Variants in SORD observed in about 807,000 individuals in gnomAD.
SORD encodes the protein sorbitol dehydrogenase.
A neutral mutation model predicts 35.6 loss-of-function variants in SORD; 18 were observed. The observed-to-expected ratio is 0.51, with a 90% confidence interval of 0.35 to 0.75. The LOEUF (loss-of-function observed/expected upper bound fraction) is 0.75, where lower values mean the gene tolerates loss of function less well. Ranked by LOEUF, SORD falls within the 30% of genes least tolerant of loss-of-function variation. The probability of loss-of-function intolerance (pLI) is 0.01; values close to 1 mark genes in which losing one functional copy is unlikely to be tolerated. For missense variants in SORD, 250 were observed against 390.2 expected (o/e 0.64, Z 3.03); for synonymous variants, 106 against 152.9 (o/e 0.69, Z 2.26).
intron 1 of SORD, among the ~76,000 whole-genome samples, chr15:45,028,374 T>A (rs1283487318): frequency 6.6e-6 from 1 of 152,220 alleles, no homozygotes; most frequent in Non-Finnish European, 1.5e-5. Flanking sequence ...TAAATGCTCC[T>A]CTCAATTTCT....
At chr15:45,027,005 C>T (rs796654542) in intron 1 of SORD, among the ~76,000 whole-genome samples, 29,649 of 147,752 alleles carry the variant, frequency 0.2, no homozygotes, top group African/African-American at 0.44. Context: ...TTAAACTCCT[C>T]ACCTACTAAT....
chr15:45,072,894 C>T (rs1305687723), intron 8 of SORD, among the ~76,000 whole-genome samples: 1 of 137,568 alleles, frequency 7.3e-6, no homozygotes, highest in Non-Finnish European at 1.5e-5. Context: ...CAGCTCCACC[C>T]TCTCCCCTGC....
At chr15:45,058,277 C>T (rs2141278564) in intron 3 of SORD, among the ~76,000 whole-genome samples, 1 of 152,266 alleles carries the variant, frequency 6.6e-6, no homozygotes, top group African/African-American at 2.4e-5. Flanking sequence ...CCCAGGACCT[C>T]CTTCCAACCC....
intron 5 of SORD, 88 bp downstream of exon 5, chr15:45,065,477 A>C: frequency 6.6e-7 from 1 of 1,509,124 alleles, no homozygotes; most frequent in Non-Finnish European, 8.9e-7. Flanking sequence ...CCAAGGCTTG[A>C]GATTTGTTCT....
At position 45,023,740 on chromosome 15, in the gene SORD, G is replaced by C. The variant is rs565030274; in HGVS notation, c.66+391G>C. 1.4e-3 allele frequency among the ~76,000 whole-genome samples: 219 copies of C among 152,328 alleles called. 7 individuals carry two copies. The South Asian group carries it at 0.041, about 29-fold the overall frequency. On this transcript the variant is annotated intron_variant, in intron 1 of 8. Coordinates refer to ENST00000267814, the MANE Select transcript of SORD (RefSeq NM_003104.6). ...GGCAGACCGTGCAGAGCAGAGAAAG[G>C]GGGGCCAGAGGACACTTAGAAACAG...
intron 3 of SORD, among the ~76,000 whole-genome samples, chr15:45,052,353 G>A (rs1893139115): frequency 6.6e-6 from 1 of 152,204 alleles, no homozygotes; most frequent in African/African-American, 2.4e-5. Context: ...TCTCTCAAGG[G>A]TGGCTTCCTC....
At chr15:45,029,236 TA>T (rs1892729304) in intron 1 of SORD, among the ~76,000 whole-genome samples, 1 of 152,244 alleles carries the variant, frequency 6.6e-6, no homozygotes, top group African/African-American at 2.4e-5. Flanking sequence ...AACAGGAAAT[TA>T]AATCCAGTAA....
At chr15:45,037,871 T>A (rs531289174) in intron 1 of SORD, among the ~76,000 whole-genome samples, 1 of 151,296 alleles carries the variant, frequency 6.6e-6, no homozygotes, top group South Asian at 2.1e-4. Flanking sequence ...CAAACCTAGG[T>A]GACAGGTTGA....
intron 3 of SORD, among the ~76,000 whole-genome samples, chr15:45,048,398 G>C (rs1169197619): frequency 1.3e-5 from 2 of 152,180 alleles, no homozygotes; most frequent in Non-Finnish European, 2.9e-5. Flanking sequence ...CCTTGATGAG[G>C]AGGCAAAATA....
intron 1 of SORD, among the ~76,000 whole-genome samples, chr15:45,025,467 C>T (rs1190248806): frequency 2.6e-5 from 4 of 151,934 alleles, no homozygotes; most frequent in Non-Finnish European, 5.9e-5. Flanking sequence ...GTGAAACTGT[C>T]TCTACTATAA....
At chr15:45,062,424 C>G (rs1378440086) in intron 4 of SORD, among the ~76,000 whole-genome samples, 6 of 152,206 alleles carry the variant, frequency 3.9e-5, no homozygotes, top group Admixed American at 1.3e-4. Flanking sequence ...TGCCGCTTTC[C>G]CCCTGACCCA....
chr15:45,054,992 T>C (rs1006008889), intron 3 of SORD, among the ~76,000 whole-genome samples: 146 of 152,322 alleles, frequency 9.6e-4, no homozygotes, highest in African/African-American at 3.4e-3. Context: ...TCTGTTCTGT[T>C]CCATTGATCT....
intron 3 of SORD, among the ~76,000 whole-genome samples, chr15:45,054,846 T>C (rs1893188071): frequency 6.6e-6 from 1 of 151,070 alleles, no homozygotes; most frequent in South Asian, 2.1e-4. Context: ...AGGGATCCAG[T>C]TTCAGCTTTC....
chr15:45,030,824 C>T (rs1248680647), intron 1 of SORD, among the ~76,000 whole-genome samples: 2 of 88,330 alleles, frequency 2.3e-5, no homozygotes, highest in African/African-American at 2.2e-4. Context: ...CTGGTGAGGA[C>T]AGGGGAGGCT....
In SORD at chr15:45,037,543, C is replaced by A. The variant is rs189412019; in HGVS notation, c.67-2865C>A. On this transcript the variant is annotated intron_variant, in intron 1 of 8. Transcript: ENST00000267814. ...TTAGCAGGGAGGGTGGGGTGCTCTC[C>A]CATGTTTGAAATAAAGACCTTAGTC... Among the ~76,000 whole-genome samples the A allele has an allele frequency of 3.9e-5, 6 of 152,274 alleles. No individual in the cohort carries two copies. The East Asian group carries it at 1.2e-3, about 29-fold the overall frequency.
intron 4 of SORD, among the ~76,000 whole-genome samples, chr15:45,061,985 C>A (rs1199818203): frequency 5.3e-5 from 8 of 152,078 alleles, no homozygotes; most frequent in African/African-American, 1.9e-4. Flanking sequence ...GATCCTGGAT[C>A]TACTCCCTCC....
At chr15:45,036,400 T>C in intron 1 of SORD, 2 of 454,782 alleles carry the variant, frequency 4.4e-6, no homozygotes, top group Non-Finnish European at 4.4e-6. Flanking sequence ...CATTAAAAGA[T>C]AAGAAATTCG....
chr15:45,053,056 T>G (rs1205769126), intron 3 of SORD, among the ~76,000 whole-genome samples: 2 of 152,200 alleles, frequency 1.3e-5, no homozygotes, highest in Non-Finnish European at 2.9e-5. Flanking sequence ...ACTGTCTCTT[T>G]TGGAAAAGTT....
Position 45,023,309 on chromosome 15 carries a change from A to G in SORD, c.26A>G (p.Asn9Ser). Residue 9 changes from asparagine to serine, a missense_variant, in exon 1 of 9, where the codon AAC becomes AGC. Coordinates refer to ENST00000267814, the MANE Select transcript of SORD (RefSeq NM_003104.6). ...ATGGCGGCGGCGGCCAAGCCCAACA[A>G]CCTTTCCCTGGTGGTGCACGGACCG... MAAAAKPN[N>S]LSLVVHGPGD... 1 of 1,590,158 alleles carries G rather than the reference A, an allele frequency of 6.3e-7. No individual in the cohort carries two copies.
Sources: allele counts gnomAD v4.1 joint callset (sites outside exome capture counted in the v4.1 genomes callset), GRCh38; gene constraint gnomAD v4.1.1; transcripts MANE v1.5; gene names NCBI Gene and HGNC (gene_info 2026-07-23, HGNC 2026-07-21).